The following RBFOX1 variants were observed in gnomAD, a reference collection of about 807,000 sequenced individuals.
RBFOX1 encodes RNA binding protein fox-1 homolog 1.
In RBFOX1, 8 loss-of-function variants were observed where a neutral mutation model predicts 57.7. That is an observed-to-expected ratio of 0.14 (90% CI 0.08 to 0.25). The LOEUF is 0.25. Among genes scored for constraint, RBFOX1 ranks in the 10% least tolerant of loss-of-function variants. The probability of loss-of-function intolerance (pLI) is 1.00; values close to 1 mark genes in which losing one functional copy is unlikely to be tolerated. For missense variants in RBFOX1, 611 were observed against 548.5 expected, an observed-to-expected ratio of 1.11 and a Z score of -1.14; for synonymous variants, 326 against 222.4, an observed-to-expected ratio of 1.47 and a Z score of -4.15.
At chr16:5,700,295 T>C (rs1245784928) in intron 3 of RBFOX1, among the ~76,000 whole-genome samples, 2 of 151,788 alleles carry the variant, frequency 1.3e-5, no homozygotes, top group African/African-American at 4.8e-5. Context: ...CTTTGACAGT[T>C]TTTTTTTTGG....
chr16:6,590,238 G>A (rs901767994), intron 2 of RBFOX1, among the ~76,000 whole-genome samples: 6 of 152,100 alleles, frequency 3.9e-5, no homozygotes, highest in African/African-American at 1.2e-4. Context: ...GATTCAGTTC[G>A]ATTATCTTTC....
intron 4 of RBFOX1, among the ~76,000 whole-genome samples, chr16:7,202,312 AAAG>A (rs1440632517): frequency 1.3e-5 from 2 of 151,972 alleles, no homozygotes; most frequent in East Asian, 1.9e-4. Flanking sequence ...AAAAAAAAAA[AAAG>A]AAGCACAGAA....
chr16:7,192,765 C>G (rs368560453), intron 4 of RBFOX1, among the ~76,000 whole-genome samples: 2 of 152,186 alleles, frequency 1.3e-5, no homozygotes, highest in Admixed American at 1.3e-4. Flanking sequence ...TTTTTGCAAT[C>G]TTTCTGTGAG....
At chr16:6,868,325 A>T (rs1281699665) in intron 3 of RBFOX1, among the ~76,000 whole-genome samples, 2 of 152,182 alleles carry the variant, frequency 1.3e-5, no homozygotes, top group African/African-American at 4.8e-5. Flanking sequence ...ATGGTAAAAC[A>T]GAGTGGATTC....
chr16:5,956,658 T>TATTTATA (rs1597954458), intron 4 of RBFOX1, among the ~76,000 whole-genome samples: 1 of 102,022 alleles, frequency 9.8e-6, no homozygotes, highest in African/African-American at 3.4e-5. Flanking sequence ...ATATATATAT[T>TATTTATA]TATATATATA....
chr16:6,889,195 G>C (rs775766330), intron 3 of RBFOX1, among the ~76,000 whole-genome samples: 17 of 152,132 alleles, frequency 1.1e-4, no homozygotes, highest in Non-Finnish European at 1.5e-5. Context: ...AGTTCATTGT[G>C]AGCCACCCCT....
In RBFOX1 at chr16:6,773,773, C is replaced by G. The variant is rs569576269; in HGVS notation, c.-16+119123C>G. 194 of 136,878 alleles carry G rather than the reference C, an allele frequency of 1.4e-3. 1 individual carries two copies. Among genetic ancestry groups the G allele is most frequent in the African/African-American group, 5.7e-3 (186 of 32,826 alleles). 8.5% of individuals were successfully genotyped at this position (136,878 alleles called of 1,614,324 possible). A position where few individuals can be genotyped will look rare whatever the true frequency, so the allele number is the denominator to read the frequency against. On this transcript the variant is annotated intron_variant, in intron 3 of 15. Coordinates refer to ENST00000550418, the MANE Select transcript of RBFOX1 (RefSeq NM_018723.4). Reference sequence around the variant, plus strand: ...TGTGTGTATGTGTGGGCGTGGGGTGCATTTGTGTGTATCTATGTGTATGTG... The same window carrying G: ...TGTGTGTATGTGTGGGCGTGGGGTGGATTTGTGTGTATCTATGTGTATGTG...
At chr16:7,197,620 T>C (rs2087067172) in intron 4 of RBFOX1, among the ~76,000 whole-genome samples, 1 of 152,112 alleles carries the variant, frequency 6.6e-6, no homozygotes, top group African/African-American at 2.4e-5. Flanking sequence ...CAAAAATGTG[T>C]ACAGAAATGT....
chr16:5,997,201 C>G (rs2060505908), intron 4 of RBFOX1, among the ~76,000 whole-genome samples: 1 of 151,138 alleles, frequency 6.6e-6, no homozygotes, highest in East Asian at 2.0e-4. Flanking sequence ...ACCAGGAAGC[C>G]CATAGCTGTT....
intron 4 of RBFOX1, among the ~76,000 whole-genome samples, chr16:7,366,145 C>G (rs1261505328): frequency 6.6e-6 from 1 of 152,166 alleles, no homozygotes; most frequent in Non-Finnish European, 1.5e-5. Flanking sequence ...ACCCTCTAAA[C>G]AGTGTATTGA....
chr16:6,744,977 A>C (rs2073226283), intron 3 of RBFOX1, among the ~76,000 whole-genome samples: 1 of 152,058 alleles, frequency 6.6e-6, no homozygotes, highest in Non-Finnish European at 1.5e-5. Context: ...ACAAATTACC[A>C]ATATCAGTAT....
Position 6,087,497 on chromosome 16 carries a change from A to G in RBFOX1, c.-127+67505A>G, listed in dbSNP as rs192106762. 4.2e-3 allele frequency among the ~76,000 whole-genome samples: 644 copies of G among 152,270 alleles called. 4 individuals are homozygous for G. Among genetic ancestry groups the G allele is most frequent in the Non-Finnish European group, 4.4e-3 (299 of 68,026 alleles). ...TCTATGTGTATACACATATTTGGAA[A>G]TTTGGAATCACTGTAACCTGCTTTG... is the stretch of plus-strand genomic sequence containing the variant. On this transcript the variant is annotated intron_variant, in intron 1 of 15. Coordinates refer to ENST00000550418, the MANE Select transcript of RBFOX1 (RefSeq NM_018723.4).
chr16:5,573,688 G>A (rs942580431), intron 2 of RBFOX1, among the ~76,000 whole-genome samples: 2 of 152,148 alleles, frequency 1.3e-5, no homozygotes, highest in African/African-American at 2.4e-5. Flanking sequence ...CCGGCTGGAC[G>A]CAGTGGCTCA....
At chr16:5,727,511 T>C (rs2052197121) in intron 3 of RBFOX1, among the ~76,000 whole-genome samples, 1 of 152,188 alleles carries the variant, frequency 6.6e-6, no homozygotes, top group African/African-American at 2.4e-5. Flanking sequence ...TCTACTCTCT[T>C]TGCGTATTTC....
In RBFOX1 at chr16:5,321,608, C is replaced by T. The variant is rs543328189; in HGVS notation, c.219+81503C>T. Among the ~76,000 whole-genome samples, 120 of 152,168 alleles carry T rather than the reference C, an allele frequency of 7.9e-4. 1 individual carries two copies. Among genetic ancestry groups the T allele is most frequent in the Middle Eastern group, 3.4e-3 (1 of 294 alleles). On this transcript the variant is annotated intron_variant, in intron 1 of 2. Transcript: ENST00000585867. ...CTGGGATTACAGGCGTGAGCCACAG[C>T]GCCTGGCCAAGAGATCACATTTTTA...
chr16:7,705,048 GAAAAAA>G (rs36086189), intron 14 of RBFOX1, among the ~76,000 whole-genome samples: 2 of 129,836 alleles, frequency 1.5e-5, no homozygotes, highest in Admixed American at 7.9e-5. Context: ...TGTCTCAAAA[GAAAAAA>G]AAAAAAAAAA....
chr16:5,564,343 G>T (rs1174480129), intron 2 of RBFOX1, among the ~76,000 whole-genome samples: 2 of 152,086 alleles, frequency 1.3e-5, no homozygotes, highest in East Asian at 1.9e-4. Flanking sequence ...TTACTCTTCT[G>T]TCATTTTCTT....
chr16:6,442,556 A>G (rs2094405959), intron 2 of RBFOX1, among the ~76,000 whole-genome samples: 1 of 136,422 alleles, frequency 7.3e-6, no homozygotes, highest in African/African-American at 3.1e-5. Context: ...CTCAGAAAAT[A>G]AAAAAAAAAG....
chr16:5,746,338 G>C (rs112883703), intron 3 of RBFOX1, among the ~76,000 whole-genome samples: 16 of 152,170 alleles, frequency 1.1e-4, no homozygotes, highest in African/African-American at 3.6e-4. Context: ...TTTGGTTACT[G>C]TAGCCTTGTA....
Sources: allele counts gnomAD v4.1 joint callset (sites outside exome capture counted in the v4.1 genomes callset), GRCh38; gene constraint gnomAD v4.1.1; transcripts MANE v1.5; gene names NCBI Gene and HGNC (gene_info 2026-07-23, HGNC 2026-07-21).